Variants in DNAJC24 observed in about 807,000 individuals in gnomAD.
The protein encoded by DNAJC24 is dnaJ homolog subfamily C member 24.
A neutral mutation model predicts 18.0 loss-of-function variants in DNAJC24; 17 were observed. That is an observed-to-expected ratio of 0.94 (90% CI 0.65 to 1.42). The LOEUF is 1.42. Among genes scored for constraint, DNAJC24 ranks in the 40% most tolerant of loss-of-function variants. DNAJC24 has a pLI of 0.00. For missense variants in DNAJC24, 158 were observed against 175.6 expected, an observed-to-expected ratio of 0.90 and a Z score of 0.57; for synonymous variants, 55 against 57.7, an observed-to-expected ratio of 0.95 and a Z score of 0.21.
chr11:31,374,171 C>T lies in DNAJC24; in HGVS notation c.111+3312C>T, dbSNP rs1483298824. ...AAGAGCAGGTATCCTTGCCTTGTTC[C>T]TGATTTTAAGAGGAAAACCTTCAAT... On this transcript the variant is annotated intron_variant, in intron 2 of 4. Coordinates refer to ENST00000465995, the MANE Select transcript of DNAJC24 (RefSeq NM_181706.5). 1.6e-5 allele frequency: 6 copies of T among 370,216 alleles called. No homozygotes were observed. The East Asian group carries it at 3.5e-4, about 22-fold the overall frequency. 22.9% of individuals were successfully genotyped at this position (370,216 alleles called of 1,614,324 possible).
intron 2 of DNAJC24, among the ~76,000 whole-genome samples, chr11:31,393,972 A>G (rs865961753): frequency 5.3e-5 from 8 of 152,184 alleles, no homozygotes; most frequent in Non-Finnish European, 7.3e-5. Flanking sequence ...CAAGTGATCA[A>G]TAAAAGACCT....
chr11:31,380,413 A>G (rs1187442567), intron 2 of DNAJC24, among the ~76,000 whole-genome samples: 2 of 152,198 alleles, frequency 1.3e-5, no homozygotes, highest in Non-Finnish European at 2.9e-5. Flanking sequence ...TTTTGTTTTA[A>G]AATATATTCA....
intron 2 of DNAJC24, among the ~76,000 whole-genome samples, chr11:31,377,264 A>G (rs1290278560): frequency 6.6e-6 from 1 of 152,126 alleles, no homozygotes; most frequent in African/African-American, 2.4e-5. Context: ...ATATTGATTT[A>G]GTAAATACTG....
intron 3 of DNAJC24, among the ~76,000 whole-genome samples, chr11:31,418,077 A>C (rs775255956): frequency 2.6e-5 from 4 of 152,126 alleles, no homozygotes; most frequent in African/African-American, 7.2e-5. Context: ...AGTAATAATT[A>C]GTTCCCAGAG....
rs564188971 is a variant in DNAJC24, at chr11:31,386,547, A to T, written c.111+15688A>T. 5.3e-5 allele frequency among the ~76,000 whole-genome samples: 8 copies of T among 152,064 alleles called. No homozygotes were observed. The South Asian group carries it at 1.7e-3, about 32-fold the overall frequency. ...AAGGGAAGGATCCAGTTCTAGCAGG[A>T]TTCATCACCAGCTGACTAAAGAGAT... On this transcript the variant is annotated intron_variant, in intron 2 of 4. Transcript: ENST00000465995.
In DNAJC24 at chr11:31,375,459, T is replaced by C. The variant is rs772738772; in HGVS notation, c.111+4600T>C. 2.4e-4 allele frequency among the ~76,000 whole-genome samples: 32 copies of C among 135,460 alleles called. 6 individuals carry two copies. The highest frequency in any genetic ancestry group is 5.3e-4 in the Admixed American group (7 of 13,224). 88.9% of individuals were successfully genotyped at this position (135,460 alleles called of 152,430 possible). A position where few individuals can be genotyped will look rare whatever the true frequency, so the allele number is the denominator to read the frequency against. ...TGGACTGTAATAAAAGGTTGAAATT[T>C]TTTCTTCTGCTTTTCTTTTAGAAGA... is the stretch of plus-strand genomic sequence containing the variant. On this transcript the variant is annotated intron_variant, in intron 2 of 4. Coordinates refer to ENST00000465995, the MANE Select transcript of DNAJC24 (RefSeq NM_181706.5).
chr11:31,429,389 T>C (rs181350261), intron 4 of DNAJC24: 41 of 297,058 alleles, frequency 1.4e-4, no homozygotes, highest in Non-Finnish European at 1.9e-4. Context: ...AAGATATTTG[T>C]ATGAAATCAT....
At chr11:31,378,917 TAAG>T (rs984470641) in intron 2 of DNAJC24, among the ~76,000 whole-genome samples, 5 of 152,298 alleles carry the variant, frequency 3.3e-5, no homozygotes, top group African/African-American at 9.6e-5. Context: ...AAAAATATCT[TAAG>T]AAGTTCATTT....
chr11:31,381,701 C>T (rs1488932662), intron 2 of DNAJC24, among the ~76,000 whole-genome samples: 2 of 151,846 alleles, frequency 1.3e-5, no homozygotes, highest in African/African-American at 4.8e-5. Context: ...CAGCTAACCC[C>T]AGTAGCTGAG....
intron 3 of DNAJC24, among the ~76,000 whole-genome samples, chr11:31,423,223 G>A (rs1292037629): frequency 6.6e-6 from 1 of 152,122 alleles, no homozygotes; most frequent in Non-Finnish European, 1.5e-5. Flanking sequence ...GATTTTCACA[G>A]TAAACACACC....
rs565009288 is a variant in DNAJC24, at chr11:31,384,003, T to G, written c.111+13144T>G. ...AAAATACTCTCAGGGCAAAAACACC[T>G]TCAGTTCTTTGTCTTTGATTGTTTT... On this transcript the variant is annotated intron_variant, in intron 2 of 4. Transcript: ENST00000465995. Among the ~76,000 whole-genome samples, 9 of 152,374 alleles carry G rather than the reference T, an allele frequency of 5.9e-5. No homozygotes were observed. In the East Asian group the frequency reaches 1.7e-3, roughly 29 times the overall value.
intron 2 of DNAJC24, chr11:31,385,120 A>C (rs1174312282): frequency 1.3e-5 from 2 of 152,214 alleles, no homozygotes; most frequent in Non-Finnish European, 2.9e-5. Flanking sequence ...AACATTTATC[A>C]CAAATTATTC....
chr11:31,400,011 G>C (rs368174655), intron 2 of DNAJC24, among the ~76,000 whole-genome samples: 1 of 151,984 alleles, frequency 6.6e-6, no homozygotes, highest in African/African-American at 2.4e-5. Flanking sequence ...AACATGTGGT[G>C]TTTGGTTTTC....
intron 3 of DNAJC24, among the ~76,000 whole-genome samples, chr11:31,425,006 G>T (rs1952847294): frequency 6.6e-6 from 1 of 151,322 alleles, no homozygotes; most frequent in African/African-American, 2.4e-5. Flanking sequence ...TATTCTAGAA[G>T]AACAATACAA....
At position 31,379,826 on chromosome 11, in the gene DNAJC24, A is replaced by G. The variant is rs368617849; in HGVS notation, c.111+8967A>G. On this transcript the variant is annotated intron_variant, in intron 2 of 4. Transcript: ENST00000465995. ...AGGCTGGAGTGCAGTGGTGCGATCT[A>G]GTCTCACTGCAACCTCCACTTCCCA... Among the ~76,000 whole-genome samples, 7 of 151,672 alleles carry G rather than the reference A, an allele frequency of 4.6e-5. No homozygotes were observed. In the East Asian group the frequency reaches 9.7e-4, roughly 21 times the overall value.
intron 3 of DNAJC24, among the ~76,000 whole-genome samples, 190 bp from the exon 4 acceptor site, chr11:31,426,097 G>C (rs1465116155): frequency 6.6e-6 from 1 of 152,152 alleles, no homozygotes; most frequent in Non-Finnish European, 1.5e-5. Flanking sequence ...GAAATGTTAT[G>C]TTCTAGATTT....
intron 2 of DNAJC24, among the ~76,000 whole-genome samples, chr11:31,411,706 T>C (rs1564955648): frequency 6.6e-6 from 1 of 152,230 alleles, no homozygotes; most frequent in Non-Finnish European, 1.5e-5. Context: ...ACACTTTGAA[T>C]ACATTTAGAG....
rs181053653 is a variant in DNAJC24 at position 31,391,937 on chromosome 11, A to T, written c.111+21078A>T. ...CAGCCATAAAAAGTGAGATCCTGTC[A>T]TTTGCAACAACATGCATGGAAAGAA... On this transcript the variant is annotated intron_variant, in intron 2 of 4. Transcript: ENST00000465995. Among the ~76,000 whole-genome samples, 450 of 152,276 alleles carry T rather than the reference A, an allele frequency of 3.0e-3. 2 individuals are homozygous for T. Among genetic ancestry groups the T allele is most frequent in the African/African-American group, 1.0e-2 (414 of 41,566 alleles).
intron 3 of DNAJC24, among the ~76,000 whole-genome samples, chr11:31,421,122 T>A (rs1218468402): frequency 6.6e-6 from 1 of 152,172 alleles, no homozygotes; most frequent in Non-Finnish European, 1.5e-5. Flanking sequence ...GGCTTCCAAT[T>A]AAATGTTGCC....
Sources: gnomAD v4.1 joint callset for allele counts (sites outside exome capture counted in the v4.1 genomes callset) on GRCh38, gnomAD v4.1.1 for gene constraint, MANE v1.5 for transcripts, NCBI Gene and HGNC (gene_info 2026-07-23, HGNC 2026-07-21) for gene names.